GRIN2A: variants seen among roughly 807,000 people sequenced by gnomAD.
GRIN2A encodes the protein glutamate receptor ionotropic, NMDA 2A.
Under a neutral mutation model 113.4 loss-of-function variants are expected in GRIN2A, and 22 were observed. The ratio of observed to expected loss-of-function variants is 0.19; its 90% CI spans 0.14 to 0.28. The LOEUF (loss-of-function observed/expected upper bound fraction) is 0.28, where lower values mean the gene tolerates loss of function less well. GRIN2A is among the 10% of genes least tolerant of loss of function. The probability of loss-of-function intolerance (pLI) is 1.00; values close to 1 mark genes in which losing one functional copy is unlikely to be tolerated. For missense variants in GRIN2A, 1,502 were observed against 1,887.0 expected, an observed-to-expected ratio of 0.80 and a Z score of 3.78; for synonymous variants, 827 against 738.4, an observed-to-expected ratio of 1.12 and a Z score of -1.94.
intron 12 of GRIN2A, among the ~76,000 whole-genome samples, chr16:9,765,562 G>A (rs1395599324): frequency 2.6e-5 from 4 of 152,182 alleles, no homozygotes; most frequent in African/African-American, 7.2e-5. Context: ...CTTTGAGGGG[G>A]GGATAGATGT....
At chr16:9,850,391 T>G (rs1257676471) in intron 4 of GRIN2A, among the ~76,000 whole-genome samples, 5 of 152,236 alleles carry the variant, frequency 3.3e-5, no homozygotes, top group African/African-American at 1.2e-4. Context: ...TTTTCTCATC[T>G]GTATAATGAA....
chr16:9,847,203 A>G (rs2042787623), intron 5 of GRIN2A, among the ~76,000 whole-genome samples: 1 of 152,146 alleles, frequency 6.6e-6, no homozygotes, highest in Admixed American at 6.5e-5. Context: ...TGGAAGAAGA[A>G]TGTGTGGGGG....
intron 2 of GRIN2A, among the ~76,000 whole-genome samples, chr16:10,067,417 G>C (rs1205335815): frequency 6.6e-6 from 1 of 152,110 alleles, no homozygotes. Context: ...GTGCTATTTA[G>C]GCAAAATAAA....
intron 10 of GRIN2A, among the ~76,000 whole-genome samples, chr16:9,809,148 G>A (rs1183980869): frequency 1.3e-5 from 2 of 152,110 alleles, no homozygotes; most frequent in Admixed American, 6.5e-5. Flanking sequence ...GACCGGGCAC[G>A]GTGGCTCACT....
chr16:9,993,865 G>A (rs1055135403), intron 2 of GRIN2A, among the ~76,000 whole-genome samples: 2 of 152,184 alleles, frequency 1.3e-5, no homozygotes, highest in Non-Finnish European at 2.9e-5. Flanking sequence ...GGCTCATGTG[G>A]GGAAAAGGAT....
At chr16:10,015,272 G>GAAAAAA (rs1189929832) in intron 2 of GRIN2A, among the ~76,000 whole-genome samples, 1 of 76,060 alleles carries the variant, frequency 1.3e-5, no homozygotes, top group Non-Finnish European at 2.4e-5. Flanking sequence ...AAAAAAAAAA[G>GAAAAAA]AAAAAAAAAA....
At chr16:9,796,863 C>G (rs1461261509) in intron 11 of GRIN2A, among the ~76,000 whole-genome samples, 1 of 152,170 alleles carries the variant, frequency 6.6e-6, no homozygotes, top group Non-Finnish European at 1.5e-5. Context: ...AAAAAGCTGA[C>G]CAACACAGCC....
chr16:9,969,695 T>C (rs1302676881), intron 2 of GRIN2A, among the ~76,000 whole-genome samples: 1 of 152,178 alleles, frequency 6.6e-6, no homozygotes, highest in African/African-American at 2.4e-5. Context: ...CCAGGGGATA[T>C]TTCGCTATGC....
chr16:9,985,462 G>C (rs1216270632), intron 2 of GRIN2A, among the ~76,000 whole-genome samples: 1 of 152,072 alleles, frequency 6.6e-6, no homozygotes, highest in African/African-American at 2.4e-5. Context: ...CAGACAAATG[G>C]ATAAAGAAAA....
At chr16:10,051,153 G>A (rs946875693) in intron 2 of GRIN2A, among the ~76,000 whole-genome samples, 2 of 152,142 alleles carry the variant, frequency 1.3e-5, no homozygotes, top group Admixed American at 6.5e-5. Context: ...CAAACAATAA[G>A]AAACACTGTG....
intron 4 of GRIN2A, among the ~76,000 whole-genome samples, chr16:9,854,735 T>A (rs145311612): frequency 6.6e-6 from 1 of 152,234 alleles, no homozygotes; most frequent in African/African-American, 2.4e-5. Flanking sequence ...TCCTGACTCA[T>A]AAAAGCTATT....
At chr16:9,851,644 C>A (rs114115260) in intron 4 of GRIN2A, among the ~76,000 whole-genome samples, 1 of 152,132 alleles carries the variant, frequency 6.6e-6, no homozygotes, top group South Asian at 2.1e-4. Context: ...ACACAACCTT[C>A]GAGAGAGGGT....
chr16:10,153,429 G>A (rs2049625746), intron 2 of GRIN2A, among the ~76,000 whole-genome samples: 1 of 152,038 alleles, frequency 6.6e-6, no homozygotes. Flanking sequence ...AGTTTAGCAG[G>A]GAATCTGGAC....
At chr16:9,998,397 G>A (rs1403406900) in intron 2 of GRIN2A, among the ~76,000 whole-genome samples, 1 of 152,196 alleles carries the variant, frequency 6.6e-6, no homozygotes, top group Non-Finnish European at 1.5e-5. Context: ...GAAGGATGGG[G>A]CATGTTGTGT....
intron 3 of GRIN2A, among the ~76,000 whole-genome samples, chr16:9,927,683 T>C (rs146512994): frequency 6.6e-6 from 1 of 152,368 alleles, no homozygotes; most frequent in Non-Finnish European, 1.5e-5. Flanking sequence ...AGTCAATACA[T>C]GGTAGGTCTT....
chr16:9,873,490 C>T (rs1256338272), intron 4 of GRIN2A, among the ~76,000 whole-genome samples: 1 of 152,066 alleles, frequency 6.6e-6, no homozygotes, highest in Non-Finnish European at 1.5e-5. Context: ...CCCTTGAGCT[C>T]AGGAGTTTGA....
chr16:9,797,137 C>T (rs752043762), intron 11 of GRIN2A, among the ~76,000 whole-genome samples: 1 of 152,240 alleles, frequency 6.6e-6, no homozygotes, highest in Non-Finnish European at 1.5e-5. Flanking sequence ...TATTGCATTT[C>T]ACTGTAGTGG....
At chr16:10,044,022 T>TATATATATATATAGAG (rs531659457) in intron 2 of GRIN2A, among the ~76,000 whole-genome samples, 11 of 108,000 alleles carry the variant, frequency 1.0e-4, no homozygotes, top group African/African-American at 2.7e-4. Context: ...TATATATATA[T>TATATATATATATAGAG]AGAGAGAGAG....
chr16:10,172,243 CTT>C (rs2050056183), intron 2 of GRIN2A, among the ~76,000 whole-genome samples: 1 of 152,254 alleles, frequency 6.6e-6, no homozygotes, highest in African/African-American at 2.4e-5. Context: ...TCTTCAGACT[CTT>C]TGTCCAAGGT....
Sources: gnomAD v4.1 joint callset for allele counts (sites outside exome capture counted in the v4.1 genomes callset) on GRCh38, gnomAD v4.1.1 for gene constraint, MANE v1.5 for transcripts, NCBI Gene and HGNC (gene_info 2026-07-23, HGNC 2026-07-21) for gene names.